Variants in EVC observed in about 807,000 individuals in gnomAD.
EVC encodes evC complex member EVC.
EVC carries 116 observed loss-of-function variants against 118.9 expected under a neutral mutation model. That is an observed-to-expected ratio of 0.98 (90% CI 0.84 to 1.14). The LOEUF is 1.14. EVC is among the 50% of genes most tolerant of loss of function. The pLI is 0.00. For synonymous variants in EVC, 619 were observed against 534.7 expected, an observed-to-expected ratio of 1.16 and a Z score of -2.18; for missense variants, 1,401 against 1,246.4, an observed-to-expected ratio of 1.12 and a Z score of -1.87.
rs145645536 is a variant in EVC, at chr4:5,752,839, G to T, written c.1102G>T (p.Ala368Ser). The T allele has an allele frequency of 1.8e-5, 29 of 1,614,132 alleles. No homozygotes were observed. The highest frequency in any genetic ancestry group is 2.4e-5 in the Non-Finnish European group (28 of 1,179,994). Residue 368 changes from alanine (A) to serine (S), a missense_variant, in exon 9 of 21, where the codon GCC becomes TCC. Ala to Ser is a moderately conservative substitution (Grantham distance 99). Coordinates refer to ENST00000264956, the MANE Select transcript of EVC (RefSeq NM_153717.3). ...CDSQELQALD[A>S]LERTMGRAHM... The stretch of plus-strand genomic sequence containing the variant: ...TCCTGTGTGTTTCTTTTTGCAGGAC[G>T]CCCTGGAGAGGACGATGGGGCGGGC...
intron 2 of EVC, among the ~76,000 whole-genome samples, chr4:5,722,509 G>A (rs555893404): frequency 1.3e-5 from 2 of 152,238 alleles, no homozygotes; most frequent in South Asian, 4.1e-4. Flanking sequence ...GTCCTCTAGT[G>A]CACAGAAAAC....
chr4:5,827,616 ACGCG>A, the EVC span, among the ~76,000 whole-genome samples: 1 of 151,716 alleles, frequency 6.6e-6, no homozygotes, highest in Admixed American at 6.6e-5. Context: ...GCATACACAC[ACGCG>A]CACACACACA....
rs911944110 is a variant in EVC, at chr4:5,755,628, C to T, written c.1465-636C>T. ...GCTCCCCATCTTCCCTCCAAGGAGT[C>T]CTTCCTTGTCCTTAGAGACTCCATT... is the stretch of plus-strand genomic sequence containing the variant. On this transcript the variant is annotated intron_variant, in intron 10 of 20. Coordinates refer to ENST00000264956, the MANE Select transcript of EVC (RefSeq NM_153717.3). The surrounding 1 kb of genome is among the most constrained non-coding windows in gnomAD (Gnocchi z 4.1). Among the ~76,000 whole-genome samples, 8 of 152,150 alleles carry T rather than the reference C, an allele frequency of 5.3e-5. No individual in the cohort carries two copies.
At chr4:5,768,520 G>A (rs1264114618) in intron 11 of EVC, among the ~76,000 whole-genome samples, 1 of 152,044 alleles carries the variant, frequency 6.6e-6, no homozygotes, top group African/African-American at 2.4e-5. Context: ...AATCTCACGT[G>A]GGTAAAGCAT....
intron 14 of EVC, 91 bp downstream of exon 14, chr4:5,797,323 C>A: frequency 9.1e-7 from 1 of 1,094,054 alleles, no homozygotes; most frequent in Non-Finnish European, 1.4e-6. Flanking sequence ...GAACCCGAAT[C>A]CTATCACCCT....
rs1180117309 is a variant in EVC, at chr4:5,737,627, C to G, written c.703-4089C>G. On this transcript the variant is annotated intron_variant, in intron 5 of 20. Coordinates refer to ENST00000264956, the MANE Select transcript of EVC (RefSeq NM_153717.3). The surrounding 1 kb of genome is among the most constrained non-coding windows in gnomAD (Gnocchi z 5.0). Reference sequence around the variant, plus strand: ...AGGGCCCTTAAGGGTGATGCTAAATCTACTCTGCCTGTGCTCTATAAGTGG... The same window carrying G: ...AGGGCCCTTAAGGGTGATGCTAAATGTACTCTGCCTGTGCTCTATAAGTGG... Among the ~76,000 whole-genome samples, 1 of 152,236 alleles carries G rather than the reference C, an allele frequency of 6.6e-6. No individual in the cohort carries two copies. The highest frequency in any genetic ancestry group is 1.5e-5 in the Non-Finnish European group (1 of 68,040).
chr4:5,762,728 T>C (rs59444743), intron 11 of EVC, among the ~76,000 whole-genome samples: 34,453 of 117,640 alleles, frequency 0.29, 5,269 homozygotes, highest in Middle Eastern at 0.39. Flanking sequence ...TCATGTCCTT[T>C]GCCCACTTTT....
chr4:5,790,180 C>CAAAAAAAAAAAAAAAA (rs35158259), intron 12 of EVC, among the ~76,000 whole-genome samples: 16 of 112,206 alleles, frequency 1.4e-4, no homozygotes, highest in South Asian at 3.0e-4. Flanking sequence ...GACTCCATCT[C>CAAAAAAAAAAAAAAAA]AAAAAAAAAA....
chr4:5,794,845 C>T (rs1317114148), intron 13 of EVC, among the ~76,000 whole-genome samples: 1 of 152,154 alleles, frequency 6.6e-6, no homozygotes, highest in East Asian at 1.9e-4. Flanking sequence ...GCTCCCATCA[C>T]CCAGGTAGTG....
chr4:5,770,218 C>T (rs986863000), intron 11 of EVC, among the ~76,000 whole-genome samples: 1 of 152,124 alleles, frequency 6.6e-6, no homozygotes, highest in Non-Finnish European at 1.5e-5. Flanking sequence ...TTTTATTGGG[C>T]TCAGCTACAC....
At chr4:5,751,717 C>T (rs1730398075) in intron 8 of EVC, among the ~76,000 whole-genome samples, 1 of 152,178 alleles carries the variant, frequency 6.6e-6, no homozygotes, top group Non-Finnish European at 1.5e-5. Flanking sequence ...GACAGGAGCC[C>T]TGGGGCAGTG....
At chr4:5,711,993 A>G (rs1443264912) in intron 1 of EVC, among the ~76,000 whole-genome samples, 2 of 152,054 alleles carry the variant, frequency 1.3e-5, no homozygotes, top group African/African-American at 2.4e-5. Context: ...CCACATTGGC[A>G]TTCATTTTTT....
At chr4:5,827,144 T>C in the EVC span, among the ~76,000 whole-genome samples, 2 of 152,322 alleles carry the variant, frequency 1.3e-5, no homozygotes, top group South Asian at 4.1e-4. Flanking sequence ...TCCTGCAAAT[T>C]GCTGTCTTGG....
intron 12 of EVC, among the ~76,000 whole-genome samples, chr4:5,790,783 T>A (rs913775185): frequency 6.6e-6 from 1 of 152,158 alleles, no homozygotes; most frequent in Non-Finnish European, 1.5e-5. Context: ...TGAAAAAATA[T>A]ACTTTATGAA....
At chr4:5,814,966 C>G (rs1234093099), downstream of EVC, among the ~76,000 whole-genome samples, 2 of 152,212 alleles carry the variant, frequency 1.3e-5, no homozygotes, top group Middle Eastern at 6.8e-3. Flanking sequence ...ATTTCTTGTC[C>G]AAGTTCATCA....
rs192690593 is a variant in EVC, at chr4:5,805,969, C to G, written c.2561+1128C>G. On this transcript the variant is annotated intron_variant, in intron 17 of 20. Transcript: ENST00000264956. ...TATTGAATAGTGGTGAAGTCTGAGC[C>G]TTTATTGTAACCATCACCCAAATAG... Among the ~76,000 whole-genome samples the G allele has an allele frequency of 1.9e-3, 287 of 148,284 alleles. 2 individuals carry two copies. Among genetic ancestry groups the G allele is most frequent in the African/African-American group, 6.9e-3 (277 of 40,432 alleles).
chr4:5,825,667 GAGGA>G, the EVC span: 1 of 1,612,388 alleles, frequency 6.2e-7, no homozygotes, highest in Non-Finnish European at 8.5e-7. This position sits in a 1 kb window ranked among gnomAD's most constrained non-coding sequence, Gnocchi z 4.4. Context: ...AACCTAAACA[GAGGA>G]AGGGAGAGTG....
At chr4:5,828,335 C>T in the EVC span, 1 of 984,824 alleles carries the variant, frequency 1.0e-6, no homozygotes, top group East Asian at 1.1e-4. Context: ...GACAGGAGCC[C>T]AGGCCAGCGT....
chr4:5,768,681 A>T (rs187978654), intron 11 of EVC, among the ~76,000 whole-genome samples: 37 of 151,976 alleles, frequency 2.4e-4, no homozygotes, highest in African/African-American at 6.5e-4. Flanking sequence ...ACAGGGTGAA[A>T]CCTCATCTCT....
Sources: gnomAD v4.1 joint callset for allele counts (sites outside exome capture counted in the v4.1 genomes callset) on GRCh38, gnomAD v4.1.1 for gene constraint, Gnocchi (gnomAD v3.1) non-coding constraint, MANE v1.5 for transcripts, NCBI Gene and HGNC (gene_info 2026-07-23, HGNC 2026-07-21) for gene names.